Variants in RTN3 observed in about 807,000 individuals in gnomAD.
The protein encoded by RTN3 is reticulon 3.
In RTN3, 49 loss-of-function variants were observed where a neutral mutation model predicts 77.8. The observed-to-expected ratio is 0.63, with a 90% CI of 0.50 to 0.80. The LOEUF (loss-of-function observed/expected upper bound fraction) is 0.80, where lower values mean the gene tolerates loss of function less well. Ranked by LOEUF, RTN3 falls within the 30% of genes least tolerant of loss-of-function variation. The probability of loss-of-function intolerance (pLI) is 0.00; values close to 1 mark genes in which losing one functional copy is unlikely to be tolerated. For synonymous variants in RTN3, 464 were observed against 446.9 expected (o/e 1.04, Z -0.48); for missense variants, 1,236 against 1,211.9 (o/e 1.02, Z -0.29).
At chr11:63,728,781 G>A (rs2012460603) in intron 3 of RTN3, among the ~76,000 whole-genome samples, 1 of 151,960 alleles carries the variant, frequency 6.6e-6, no homozygotes, top group Non-Finnish European at 1.5e-5. Context: ...CAGCTACCCA[G>A]GAGGCTGAGG....
intron 3 of RTN3, among the ~76,000 whole-genome samples, chr11:63,743,979 C>A (rs956617357): frequency 6.6e-6 from 1 of 151,554 alleles, no homozygotes; most frequent in Admixed American, 6.6e-5. Context: ...CACAGTGGCT[C>A]ACGCCTGTAA....
At chr11:63,739,623 A>G (rs1349651634) in intron 3 of RTN3, among the ~76,000 whole-genome samples, 1 of 152,206 alleles carries the variant, frequency 6.6e-6, no homozygotes, top group East Asian at 1.9e-4. Flanking sequence ...TAATTTGTCC[A>G]TAGCTTTAAA....
At chr11:63,732,924 A>T (rs1256228692) in intron 3 of RTN3, among the ~76,000 whole-genome samples, 1 of 152,240 alleles carries the variant, frequency 6.6e-6, no homozygotes, top group African/African-American at 2.4e-5. Flanking sequence ...TTCAGAAGAT[A>T]TTAGCAGATC....
In RTN3 at chr11:63,720,506, T is replaced by A. The variant is rs761517446; in HGVS notation, c.2004T>A (p.Asp668Glu). 6.2e-7 allele frequency: 1 copy of A among 1,613,928 alleles called. No individual in the cohort carries two copies. The highest frequency in any genetic ancestry group is 1.1e-5 in the South Asian group (1 of 91,044). Residue 668 changes from aspartate to glutamate, a missense_variant, in exon 3 of 9, where the codon GAT becomes GAA. Transcript: ENST00000377819. ...FTETRDKGIV[D>E]SERNAFKAIS... ...AAACCAGAGATAAAGGAATAGTAGA[T>A]AGTGAAAGAAATGCTTTTAAAGCAA... is the stretch of plus-strand genomic sequence containing the variant.
At chr11:63,754,110 C>G (rs2014241665) in intron 7 of RTN3, among the ~76,000 whole-genome samples, 1 of 151,128 alleles carries the variant, frequency 6.6e-6, no homozygotes, top group African/African-American at 2.4e-5. Flanking sequence ...GGCAACCTGG[C>G]AAAACCTTGT....
intron 1 of RTN3, among the ~76,000 whole-genome samples, chr11:63,687,741 C>T (rs547742550): frequency 6.6e-6 from 1 of 152,164 alleles, no homozygotes; most frequent in Non-Finnish European, 1.5e-5. Context: ...GCTTTGTACC[C>T]TTAAATCCTG....
chr11:63,754,428 C>T (rs927090383), intron 7 of RTN3, among the ~76,000 whole-genome samples: 1 of 151,626 alleles, frequency 6.6e-6, no homozygotes, highest in Non-Finnish European at 1.5e-5. Flanking sequence ...GGGCCAGGCA[C>T]GGTGGCTCAC....
At chr11:63,742,415 G>T (rs921238715) in intron 3 of RTN3, among the ~76,000 whole-genome samples, 3 of 151,838 alleles carry the variant, frequency 2.0e-5, no homozygotes, top group African/African-American at 7.3e-5. Context: ...AGAGGCCAAG[G>T]CTGGTGGATC....
intron 3 of RTN3, among the ~76,000 whole-genome samples, chr11:63,723,890 T>C (rs2012011148): frequency 6.6e-6 from 1 of 152,236 alleles, no homozygotes; most frequent in Non-Finnish European, 1.5e-5. Context: ...TGGTATATTA[T>C]GTAACAGCTT....
chr11:63,696,873 CTTTCTTTCTTTTTTT>C (rs1247286337), intron 1 of RTN3, among the ~76,000 whole-genome samples: 1 of 64,850 alleles, frequency 1.5e-5, no homozygotes, highest in Non-Finnish European at 2.9e-5. Flanking sequence ...TTCTTTCTTT[CTTTCTTTCTTTTTTT>C]TTTTTTTTTT....
chr11:63,740,677 C>T (rs1565337818), intron 3 of RTN3, among the ~76,000 whole-genome samples: 1 of 151,990 alleles, frequency 6.6e-6, no homozygotes, highest in East Asian at 1.9e-4. Flanking sequence ...AGCGATCCTC[C>T]AGCCTCCACT....
At chr11:63,682,323 T>G (rs1255608081) in intron 1 of RTN3, among the ~76,000 whole-genome samples, 1 of 146,188 alleles carries the variant, frequency 6.8e-6, no homozygotes. Flanking sequence ...TTGTAGCCTG[T>G]TTTTTTTGTT....
chr11:63,681,505 G>T lies in RTN3; in HGVS notation c.-132G>T, dbSNP rs1255520014. 5 of 947,422 alleles carry T rather than the reference G, an allele frequency of 5.3e-6. 1 individual carries two copies. The South Asian group carries it at 6.2e-5, about 12-fold the overall frequency. The allele number at this position is 947,422 out of a possible 1,614,324, so 58.7% of individuals were successfully genotyped here. ...TGCGCTCGGCTGAGTCAGTCAGTCT[G>T]TCGGAGTCTGTCCTCGGAGCAGGCG... On this transcript the variant is annotated 5_prime_UTR_variant, in exon 1 of 9. Transcript: ENST00000377819.
At position 63,689,667 on chromosome 11, in the gene RTN3, A is replaced by G. The variant is rs545753190; in HGVS notation, c.142+7889A>G. Among the ~76,000 whole-genome samples the G allele has an allele frequency of 2.0e-5, 3 of 150,374 alleles. No individual in the cohort carries two copies. The East Asian group carries it at 5.9e-4, about 29-fold the overall frequency. On this transcript the variant is annotated intron_variant, in intron 1 of 8. Transcript: ENST00000377819. The stretch of plus-strand genomic sequence containing the variant: ...CCAATCAACTGATTTATTATCTCCT[A>G]TAACCATATCATTGTAACCTAACCA...
rs2011573793 is a variant in RTN3 at position 63,719,145 on chromosome 11, A to G, written c.643A>G (p.Thr215Ala). Residue 215 changes from threonine to alanine, a missense_variant, in exon 3 of 9, where the codon ACT becomes GCT. Around this residue, in one of 3 missense-constraint regions of RTN3, gnomAD observed 1,056 missense variants for 990.4 expected, o/e 1.07. Transcript: ENST00000377819. ...FTLLTAQKPP[T>A]EYSKVEGIYT... ...TTTGCTGACAGCCCAGAAACCACCT[A>G]CTGAGTACTCTAAGGTAGAAGGCAT... 1.2e-6 allele frequency: 2 copies of G among 1,614,172 alleles called. No individual in the cohort carries two copies. The highest frequency in any genetic ancestry group is 2.2e-5 in the South Asian group (2 of 91,074).
intron 3 of RTN3, among the ~76,000 whole-genome samples, chr11:63,739,348 CT>C (rs1170048629): frequency 2.0e-5 from 3 of 152,064 alleles, no homozygotes; most frequent in Non-Finnish European, 2.9e-5. Context: ...GAATTTTTGG[CT>C]TTTTATTTTT....
At chr11:63,739,105 A>G (rs915024424) in intron 3 of RTN3, among the ~76,000 whole-genome samples, 2 of 152,222 alleles carry the variant, frequency 1.3e-5, no homozygotes, top group East Asian at 3.8e-4. Context: ...AAAAGAAGGA[A>G]TCAGTCGTAA....
At chr11:63,714,305 G>A (rs975507727) in intron 2 of RTN3, 8 of 326,414 alleles carry the variant, frequency 2.5e-5, no homozygotes, top group South Asian at 7.5e-5. Flanking sequence ...AATGATTAGC[G>A]CCTGCATCTC....
intron 3 of RTN3, among the ~76,000 whole-genome samples, chr11:63,734,306 G>C (rs2012914462): frequency 6.6e-6 from 1 of 151,968 alleles, no homozygotes; most frequent in African/African-American, 2.4e-5. Context: ...AAATTAGCCA[G>C]GTGTGGTGGT....
Sources: gnomAD v4.1 joint callset for allele counts (sites outside exome capture counted in the v4.1 genomes callset) on GRCh38, gnomAD v4.1.1 for gene constraint, gnomAD v4.1.1 regional missense constraint, MANE v1.5 for transcripts, NCBI Gene and HGNC (gene_info 2026-07-23, HGNC 2026-07-21) for gene names.